ADAMTS20: variants seen among roughly 807,000 people sequenced by gnomAD.
The protein encoded by ADAMTS20 is ADAM metallopeptidase with thrombospondin type 1 motif 20.
Under a neutral mutation model 260.1 loss-of-function variants are expected in ADAMTS20, and 225 were observed. That is an observed-to-expected ratio of 0.87 (90% CI 0.78 to 0.97). The LOEUF (loss-of-function observed/expected upper bound fraction) is 0.97. Ranked by LOEUF, ADAMTS20 falls within the 50% of genes least tolerant of loss-of-function variation. The probability of loss-of-function intolerance (pLI) is 0.00; values close to 1 mark genes in which losing one functional copy is unlikely to be tolerated. For synonymous variants in ADAMTS20, 802 were observed against 769.5 expected (o/e 1.04, Z -0.70); for missense variants, 2,400 against 2,337.7 (o/e 1.03, Z -0.55).
intron 28 of ADAMTS20, among the ~76,000 whole-genome samples, chr12:43,401,372 A>C (rs942334613): frequency 1.1e-4 from 17 of 151,948 alleles, no homozygotes; most frequent in African/African-American, 4.1e-4. Flanking sequence ...AGTTGTTGGC[A>C]TTTCTGATAA....
intron 7 of ADAMTS20, among the ~76,000 whole-genome samples, chr12:43,470,386 C>T (rs1445589450): frequency 1.3e-5 from 2 of 152,124 alleles, no homozygotes; most frequent in Admixed American, 6.5e-5. Context: ...TTAAACTGAA[C>T]ATTTTAGTCA....
At position 43,428,397 on chromosome 12, in the gene ADAMTS20, G is replaced by C; in HGVS notation, c.3789C>G (p.Cys1263Trp). ...LMEQECSLAACPPAHSHFPSS... is the reference protein window; with the variant it reads ...LMEQECSLAAWPPAHSHFPSS... ...TAGGAAAGTGGCTGTGTGCAGGAGG[G>C]CAGGCTGCCAGGCTACATTCCTGTT... Residue 1263 changes from cysteine (C) to tryptophan (W), a missense_variant, in exon 26 of 39, where the codon TGC becomes TGG. Transcript: ENST00000389420. 3 of 1,613,834 alleles carry C rather than the reference G, an allele frequency of 1.9e-6. No homozygotes were observed. The highest frequency in any genetic ancestry group is 2.2e-5 in the South Asian group (2 of 91,074).
At chr12:43,383,236 T>C (rs1940392875) in intron 31 of ADAMTS20, among the ~76,000 whole-genome samples, 1 of 152,220 alleles carries the variant, frequency 6.6e-6, no homozygotes. Context: ...ATATTTAGTT[T>C]ATGGTTCATC....
At chr12:43,365,322 G>A (rs1473100361) in intron 37 of ADAMTS20, among the ~76,000 whole-genome samples, 1 of 151,946 alleles carries the variant, frequency 6.6e-6, no homozygotes, top group Non-Finnish European at 1.5e-5. Context: ...AAAATCAAGA[G>A]TGCTGATAAA....
In ADAMTS20 at chr12:43,432,453, C is replaced by T. The variant is rs1941464539; in HGVS notation, c.2947G>A (p.Gly983Arg). The change falls in exon 21 of 39, where the codon GGA becomes AGA. Residue 983 changes from glycine to arginine, a missense_variant. Gly to Arg is a moderately radical substitution (Grantham distance 125). Coordinates refer to ENST00000389420, the MANE Select transcript of ADAMTS20 (RefSeq NM_025003.5). ...SEWSQCSRSC[G>R]GGERSRESYC... is the part of the protein sequence containing the mutation. Reference sequence around the variant, plus strand: ...GATTCTCGAGACCTTTCCCCTCCTCCACAACTCCTGGAACACTGATTAAAA... The same window carrying T: ...GATTCTCGAGACCTTTCCCCTCCTCTACAACTCCTGGAACACTGATTAAAA... The T allele has an allele frequency of 6.2e-7, 1 of 1,611,846 alleles. No individual in the cohort carries two copies. The highest frequency in any genetic ancestry group is 1.7e-5 in the Admixed American group (1 of 59,748).
At chr12:43,526,452 C>A (rs908882711) in intron 3 of ADAMTS20, among the ~76,000 whole-genome samples, 8 of 151,362 alleles carry the variant, frequency 5.3e-5, no homozygotes, top group African/African-American at 1.9e-4. Context: ...AGCAATACTC[C>A]GTCTCAAAAA....
chr12:43,452,376 C>T lies in ADAMTS20; in HGVS notation c.1977G>A (p.Gln659=), dbSNP rs762771716. 1.2e-6 allele frequency: 2 copies of T among 1,613,076 alleles called. No individual in the cohort carries two copies. Among genetic ancestry groups the T allele is most frequent in the African/African-American group, 2.7e-5 (2 of 74,860 alleles). ...GGTAGAAATAATTGGTTCCAGCAACCTGACAATAGAGTTTACAACGATCCT... is the reference window on the plus strand; with the variant it reads ...GGTAGAAATAATTGGTTCCAGCAACTTGACAATAGAGTTTACAACGATCCT... ...GTKDRCKLYC[Q]VAGTNYFYLL... Residue 659 remains glutamine (Q), a synonymous_variant, in exon 14 of 39, where the codon CAG becomes CAA. Coordinates refer to ENST00000389420, the MANE Select transcript of ADAMTS20 (RefSeq NM_025003.5).
At chr12:43,550,233 A>G (rs1215383525) in intron 2 of ADAMTS20, among the ~76,000 whole-genome samples, 1 of 152,228 alleles carries the variant, frequency 6.6e-6, no homozygotes, top group Non-Finnish European at 1.5e-5. Context: ...CTGTGGCTTT[A>G]TCACCAATAA....
intron 3 of ADAMTS20, among the ~76,000 whole-genome samples, chr12:43,526,404 G>A (rs1337444351): frequency 2.0e-5 from 3 of 152,134 alleles, no homozygotes; most frequent in Non-Finnish European, 4.4e-5. Flanking sequence ...CTTGTGGTGA[G>A]CCGAGATCGT....
At chr12:43,481,825 C>CTT (rs1351804630) in intron 7 of ADAMTS20, among the ~76,000 whole-genome samples, 1 of 152,114 alleles carries the variant, frequency 6.6e-6, no homozygotes, top group Admixed American at 6.5e-5. Context: ...ACACTGTGAA[C>CTT]TTTTTTCCAA....
chr12:43,537,350 C>T (rs187399499), intron 2 of ADAMTS20, among the ~76,000 whole-genome samples: 20 of 152,044 alleles, frequency 1.3e-4, no homozygotes, highest in Non-Finnish European at 2.2e-4. Context: ...CCACCACACC[C>T]GGCCCTTACT....
At chr12:43,441,958 A>C (rs935007939) in intron 16 of ADAMTS20, among the ~76,000 whole-genome samples, 1 of 152,186 alleles carries the variant, frequency 6.6e-6, no homozygotes, top group African/African-American at 2.4e-5. Context: ...AAAGATCTAT[A>C]TTTAGTCTAT....
chr12:43,366,634 G>A (rs1432700715), intron 37 of ADAMTS20, among the ~76,000 whole-genome samples: 1 of 151,472 alleles, frequency 6.6e-6, no homozygotes, highest in Non-Finnish European at 1.5e-5. Flanking sequence ...AATAAAGGTT[G>A]AAATCCAAAA....
chr12:43,479,888 CAAAT>C (rs1056291363), intron 7 of ADAMTS20, among the ~76,000 whole-genome samples: 3 of 151,660 alleles, frequency 2.0e-5, no homozygotes, highest in Non-Finnish European at 4.4e-5. Context: ...ATTAAAAAGA[CAAAT>C]AAACAATATT....
At chr12:43,405,226 C>T (rs1253414340) in intron 28 of ADAMTS20, among the ~76,000 whole-genome samples, 1 of 32,120 alleles carries the variant, frequency 3.1e-5, no homozygotes, top group Non-Finnish European at 5.3e-5. Flanking sequence ...GACCTCATCT[C>T]TACAAAAAAA....
intron 24 of ADAMTS20, 25 bp downstream of exon 24, chr12:43,429,592 G>A (rs1321595286): frequency 1.3e-6 from 2 of 1,491,878 alleles, no homozygotes; most frequent in Admixed American, 2.0e-5. Flanking sequence ...TAGAAACACT[G>A]TATCTATTAA....
At chr12:43,471,035 C>T (rs919981898) in intron 7 of ADAMTS20, among the ~76,000 whole-genome samples, 8 of 152,242 alleles carry the variant, frequency 5.3e-5, no homozygotes, top group South Asian at 2.1e-4. Flanking sequence ...GCGTGAGCGA[C>T]GCAGAAGACG....
At chr12:43,370,477 G>C (rs1940083384) in intron 36 of ADAMTS20, among the ~76,000 whole-genome samples, 1 of 152,126 alleles carries the variant, frequency 6.6e-6, no homozygotes. Flanking sequence ...GATTATGCTG[G>C]GGCAGAGCAG....
At chr12:43,451,598 C>T (rs546053919) in intron 14 of ADAMTS20, among the ~76,000 whole-genome samples, 1 of 152,276 alleles carries the variant, frequency 6.6e-6, no homozygotes, top group South Asian at 2.1e-4. Flanking sequence ...TAGCACAAGT[C>T]TTATGCGCTC....
Sources: gnomAD v4.1 joint callset for allele counts (sites outside exome capture counted in the v4.1 genomes callset) on GRCh38, gnomAD v4.1.1 for gene constraint, MANE v1.5 for transcripts, NCBI Gene and HGNC (gene_info 2026-07-23, HGNC 2026-07-21) for gene names.